PRKN: variants seen among roughly 807,000 people sequenced by gnomAD.
PRKN encodes E3 ubiquitin-protein ligase parkin.
A neutral mutation model predicts 59.5 loss-of-function variants in PRKN; 56 were observed. That is an observed-to-expected ratio of 0.94 (90% CI 0.76 to 1.18). PRKN has a LOEUF of 1.18. Ranked by LOEUF, PRKN falls within the 50% of genes most tolerant of loss-of-function variation. PRKN has a pLI of 0.00. For missense variants in PRKN, 657 were observed against 596.4 expected (o/e 1.10, Z -1.06); for synonymous variants, 250 against 222.1 (o/e 1.13, Z -1.12).
At chr6:161,616,356 T>A (rs1189924684) in intron 7 of PRKN, among the ~76,000 whole-genome samples, 1 of 151,990 alleles carries the variant, frequency 6.6e-6, no homozygotes, top group African/African-American at 2.4e-5. Flanking sequence ...GGAAAATTAG[T>A]GTGTAAAAAT....
At chr6:161,849,659 C>T (rs1448031094) in intron 6 of PRKN, among the ~76,000 whole-genome samples, 4 of 152,128 alleles carry the variant, frequency 2.6e-5, no homozygotes, top group Admixed American at 2.0e-4. Flanking sequence ...ATGATCACAA[C>T]CCAAATAAAA....
At chr6:162,073,687 A>C (rs1009811251) in intron 4 of PRKN, among the ~76,000 whole-genome samples, 7 of 152,200 alleles carry the variant, frequency 4.6e-5, no homozygotes, top group Non-Finnish European at 1.0e-4. Flanking sequence ...CCCGGGCTCA[A>C]GCAACCTGCC....
At position 162,236,932 on chromosome 6, in the gene PRKN, A is replaced by T. The variant is rs559139034; in HGVS notation, c.412+25593T>A. On this transcript the variant is annotated intron_variant, in intron 3 of 11. Coordinates refer to ENST00000366898, the MANE Select transcript of PRKN (RefSeq NM_004562.3). The stretch of plus-strand genomic sequence containing the variant: ...GGAAGGAAGGAGAGAGAAAGAAGAA[A>T]GAAAAGAAAAGAAAAGAAAAGCCCC... 3.3e-5 allele frequency among the ~76,000 whole-genome samples: 5 copies of T among 151,964 alleles called. No homozygotes were observed. The South Asian group carries it at 1.0e-3, about 32-fold the overall frequency.
Position 161,451,574 on chromosome 6 carries a change from G to A in PRKN, c.1084-64697C>T, listed in dbSNP as rs1184665535. 6.6e-6 allele frequency among the ~76,000 whole-genome samples: 1 copy of A among 152,186 alleles called. No individual in the cohort carries two copies. Among genetic ancestry groups the A allele is most frequent in the Non-Finnish European group, 1.5e-5 (1 of 68,042 alleles). On this transcript the variant is annotated intron_variant, in intron 9 of 11. Coordinates refer to ENST00000366898, the MANE Select transcript of PRKN (RefSeq NM_004562.3). This position sits in a 1 kb window ranked among gnomAD's most constrained non-coding sequence, Gnocchi z 5.9. ...GAGGGACCTACCCAGTCCCAAAGCT[G>A]AGGCACCACCCATCCTTGAATGGCC... is the stretch of plus-strand genomic sequence containing the variant.
rs920554867 is a variant in PRKN, at chr6:161,518,756, C to T, written c.1083+30098G>A. Among the ~76,000 whole-genome samples the T allele has an allele frequency of 3.9e-5, 6 of 152,162 alleles. No homozygotes were observed. The highest frequency in any genetic ancestry group is 8.8e-5 in the Non-Finnish European group (6 of 68,034). On this transcript the variant is annotated intron_variant, in intron 9 of 11. Coordinates refer to ENST00000366898, the MANE Select transcript of PRKN (RefSeq NM_004562.3). This position sits in a 1 kb window ranked among gnomAD's most constrained non-coding sequence, Gnocchi z 5.0. ...GCCGGCGGTGTGCCTTGATACTTGG[C>T]TATGCATCCCATCCACCTCTAGCAG...
intron 7 of PRKN, among the ~76,000 whole-genome samples, chr6:161,615,839 G>A (rs981552823): frequency 4.6e-5 from 7 of 152,220 alleles, no homozygotes; most frequent in Non-Finnish European, 7.3e-5. Context: ...CTGCAGACGA[G>A]CTGCCTTCAC....
chr6:161,950,140 AC>A (rs1243500021), intron 6 of PRKN, among the ~76,000 whole-genome samples: 17 of 152,334 alleles, frequency 1.1e-4, no homozygotes, highest in Non-Finnish European at 1.3e-4. Context: ...AAGAAGTGCA[AC>A]TATCTTTTGC....
At chr6:161,768,837 A>G (rs1185120953) in intron 7 of PRKN, among the ~76,000 whole-genome samples, 1 of 152,236 alleles carries the variant, frequency 6.6e-6, no homozygotes, top group African/African-American at 2.4e-5. Flanking sequence ...AGTTATACTA[A>G]CAACCCAGTT....
chr6:162,468,790 T>C (rs745314223), intron 1 of PRKN, among the ~76,000 whole-genome samples: 6 of 152,222 alleles, frequency 3.9e-5, no homozygotes, highest in Non-Finnish European at 8.8e-5. Context: ...CCGTAAAACA[T>C]TTCAGATCTC....
At chr6:162,488,027 CTTTTTTTTTTTTT>C (rs752587530) in intron 1 of PRKN, among the ~76,000 whole-genome samples, 1 of 109,772 alleles carries the variant, frequency 9.1e-6, no homozygotes, top group Non-Finnish European at 1.9e-5. Flanking sequence ...CACCATTTCC[CTTTTTTTTTTTTT>C]TTTTTTTTTT....
intron 4 of PRKN, among the ~76,000 whole-genome samples, chr6:162,135,626 G>T (rs1781534271): frequency 6.6e-6 from 1 of 152,120 alleles, no homozygotes; most frequent in African/African-American, 2.4e-5. Flanking sequence ...CTGTCTCCTT[G>T]CCCTGACTCT....
At chr6:161,809,542 T>C (rs1182200686) in intron 6 of PRKN, among the ~76,000 whole-genome samples, 3 of 152,262 alleles carry the variant, frequency 2.0e-5, no homozygotes, top group Non-Finnish European at 4.4e-5. Context: ...TAATAGCTTA[T>C]TGTCCTGCGT....
Position 161,549,140 on chromosome 6 carries a change from GTA to G in PRKN, c.934-139_934-138del. 1.1e-6 allele frequency: 1 copy of G among 885,400 alleles called. No homozygotes were observed. The highest frequency in any genetic ancestry group is 1.8e-6 in the Non-Finnish European group (1 of 550,268). The allele number at this position is 885,400 out of a possible 1,614,324, so 54.8% of individuals were successfully genotyped here. ...TGCATGTGTGTGTGTGTGTGTGTGT[GTA>G]GGGGGAGGGAGAGGGCCACGGGGTT... On this transcript the variant is annotated intron_variant, in intron 8 of 11. Coordinates refer to ENST00000366898, the MANE Select transcript of PRKN (RefSeq NM_004562.3). This position sits in a 1 kb window ranked among gnomAD's most constrained non-coding sequence, Gnocchi z 6.0.
chr6:161,469,457 G>A (rs796285884), intron 9 of PRKN, among the ~76,000 whole-genome samples: 11 of 147,636 alleles, frequency 7.5e-5, no homozygotes, highest in African/African-American at 2.3e-4. Flanking sequence ...CTAATACATC[G>A]CAACGGGAGT....
intron 7 of PRKN, among the ~76,000 whole-genome samples, chr6:161,571,310 T>C (rs532663781): frequency 2.0e-4 from 30 of 152,340 alleles, no homozygotes; most frequent in African/African-American, 4.3e-4. Context: ...ATAAGACCTA[T>C]GGATTATATA....
chr6:162,195,144 A>G (rs935537900), intron 4 of PRKN, among the ~76,000 whole-genome samples: 1 of 152,252 alleles, frequency 6.6e-6, no homozygotes, highest in African/African-American at 2.4e-5. Flanking sequence ...AACAGAATGC[A>G]TGGTGGCCGG....
chr6:162,090,513 T>C (rs1447055360), intron 4 of PRKN, among the ~76,000 whole-genome samples: 1 of 152,212 alleles, frequency 6.6e-6, no homozygotes, highest in Non-Finnish European at 1.5e-5. Flanking sequence ...ATATATATTA[T>C]CCATTGAACT....
intron 4 of PRKN, among the ~76,000 whole-genome samples, chr6:162,134,283 A>AT (rs753514255): frequency 6.6e-5 from 10 of 152,280 alleles, no homozygotes; most frequent in Non-Finnish European, 1.3e-4. Flanking sequence ...CAATAAAATC[A>AT]TTTTTTAACT....
At position 161,400,371 on chromosome 6, in the gene PRKN, G is replaced by A. The variant is rs1028875939; in HGVS notation, c.1084-13494C>T. Among the ~76,000 whole-genome samples, 5 of 151,156 alleles carry A rather than the reference G, an allele frequency of 3.3e-5. No homozygotes were observed. Among genetic ancestry groups the A allele is most frequent in the East Asian group, 1.9e-4 (1 of 5,176 alleles). ...CACCCAGGCTGGAGTGCAATGGCAC[G>A]ATCTCCGCTCACTGCAACCTGTACC... On this transcript the variant is annotated intron_variant, in intron 9 of 11. Transcript: ENST00000366898. This position sits in a 1 kb window ranked among gnomAD's most constrained non-coding sequence, Gnocchi z 4.2.
Sources: gnomAD v4.1 joint callset for allele counts (sites outside exome capture counted in the v4.1 genomes callset) on GRCh38, gnomAD v4.1.1 for gene constraint, Gnocchi (gnomAD v3.1) non-coding constraint, MANE v1.5 for transcripts, NCBI Gene and HGNC (gene_info 2026-07-23, HGNC 2026-07-21) for gene names.